Variants in RABGAP1 observed in about 807,000 individuals in gnomAD.
The protein encoded by RABGAP1 is rab GTPase-activating protein 1.
A neutral mutation model predicts 137.6 loss-of-function variants in RABGAP1; 23 were observed. That is an observed-to-expected ratio of 0.17 (90% CI 0.12 to 0.24). RABGAP1 has a LOEUF of 0.24. Ranked by LOEUF, RABGAP1 falls within the 10% of genes least tolerant of loss-of-function variation. RABGAP1 has a pLI of 1.00. For synonymous variants in RABGAP1, 451 were observed against 450.7 expected, an observed-to-expected ratio of 1.00 and a Z score of -0.01; for missense variants, 906 against 1,275.8, an observed-to-expected ratio of 0.71 and a Z score of 4.42.
At chr9:122,948,043 ACACAC>A (rs990039684) in intron 1 of RABGAP1, among the ~76,000 whole-genome samples, 1 of 2,384 alleles carries the variant, frequency 4.2e-4, no homozygotes, top group African/African-American at 4.6e-4. Flanking sequence ...AGCCAGGAAA[ACACAC>A]ACACACACAC....
chr9:122,980,726 T>G (rs1242469391), intron 2 of RABGAP1, among the ~76,000 whole-genome samples: 1 of 152,256 alleles, frequency 6.6e-6, no homozygotes, highest in Non-Finnish European at 1.5e-5. Context: ...CGTTTTATCA[T>G]GATGAACCAT....
chr9:123,086,767 T>C (rs77804652), intron 19 of RABGAP1, among the ~76,000 whole-genome samples: 2,165 of 152,162 alleles, frequency 0.014, 13 homozygotes, highest in Non-Finnish European at 0.021. Context: ...AAGACTGAGC[T>C]GGTGAAGAAG....
chr9:122,943,023 T>A (rs896881556), intron 1 of RABGAP1, among the ~76,000 whole-genome samples: 21 of 141,780 alleles, frequency 1.5e-4, no homozygotes, highest in Admixed American at 1.4e-3. Flanking sequence ...AAATAAAAAA[T>A]AAAAAAACAA....
rs1345223511 is a variant in RABGAP1 at position 122,941,027 on chromosome 9, G to C, written c.-116G>C. 6.5e-6 allele frequency: 1 copy of C among 152,698 alleles called. No individual in the cohort carries two copies. Among genetic ancestry groups the C allele is most frequent in the Non-Finnish European group, 1.5e-5 (1 of 68,524 alleles). The allele number at this position is 152,698 out of a possible 1,614,324, so 9.5% of individuals were successfully genotyped here. ...GGGGGGCGGGGACAGGGCGGTTTGGGAGGCCCAGGCGGCGGAGCCTCCGGG... is the reference window on the plus strand; with the variant it reads ...GGGGGGCGGGGACAGGGCGGTTTGGCAGGCCCAGGCGGCGGAGCCTCCGGG... On this transcript the variant is annotated 5_prime_UTR_variant, in exon 1 of 26. Transcript: ENST00000373647.
chr9:123,051,546 C>T (rs2033472842), intron 13 of RABGAP1, among the ~76,000 whole-genome samples: 2 of 150,580 alleles, frequency 1.3e-5, no homozygotes, highest in African/African-American at 4.9e-5. Flanking sequence ...CACGCCTGGC[C>T]TCACCTTGGT....
chr9:122,994,422 T>C (rs1430064520), intron 6 of RABGAP1, among the ~76,000 whole-genome samples: 22 of 152,240 alleles, frequency 1.4e-4, no homozygotes, highest in Non-Finnish European at 2.9e-5. Context: ...CATTTCCTTA[T>C]AGGTGAAAAC....
Position 123,056,746 on chromosome 9 carries a change from A to G in RABGAP1, c.1795-8602A>G, listed in dbSNP as rs569555421. The stretch of plus-strand genomic sequence containing the variant: ...GCACATCTTGCACCGCCCTTAATCC[A>G]TTTAACCCTGAGTGGACACAGCGCG... On this transcript the variant is annotated intron_variant, in intron 13 of 25. Transcript: ENST00000373647. 2.1e-4 allele frequency among the ~76,000 whole-genome samples: 32 copies of G among 152,220 alleles called. No homozygotes were observed. The East Asian group carries it at 5.6e-3, about 27-fold the overall frequency.
At chr9:122,952,056 A>G (rs1834280444) in intron 1 of RABGAP1, among the ~76,000 whole-genome samples, 1 of 152,194 alleles carries the variant, frequency 6.6e-6, no homozygotes, top group South Asian at 2.1e-4. Context: ...TAAGAATAAA[A>G]GTAGTGAAAG....
chr9:123,018,229 C>T (rs773705132), intron 12 of RABGAP1, among the ~76,000 whole-genome samples: 33 of 151,996 alleles, frequency 2.2e-4, no homozygotes, highest in Admixed American at 5.2e-4. Flanking sequence ...CTCCTGACCT[C>T]GTGACAAGTT....
intron 19 of RABGAP1, among the ~76,000 whole-genome samples, chr9:123,078,558 C>T (rs2034595746): frequency 6.6e-6 from 1 of 152,172 alleles, no homozygotes; most frequent in Admixed American, 6.5e-5. Flanking sequence ...TAGGTTTGCA[C>T]AAAGCATAGA....
chr9:122,942,284 C>T (rs1261658434), intron 1 of RABGAP1, among the ~76,000 whole-genome samples: 1 of 152,116 alleles, frequency 6.6e-6, no homozygotes, highest in Non-Finnish European at 1.5e-5. Context: ...AGGGTTCATC[C>T]AACTTTTTTT....
chr9:122,984,997 AG>A (rs61343453), intron 3 of RABGAP1, among the ~76,000 whole-genome samples: 148,164 of 151,676 alleles, frequency 0.98, 72,466 homozygotes, highest in East Asian at 1. Context: ...TTTTCCCCCC[AG>A]GAATGCTTAA....
chr9:122,995,988 A>G, intron 6 of RABGAP1, 53 bp from the exon 7 acceptor site: 1 of 1,543,110 alleles, frequency 6.5e-7, no homozygotes, highest in Non-Finnish European at 8.7e-7. Context: ...AAATGGTTCT[A>G]GTATGTGACA....
chr9:123,057,501 C>T (rs935356476), intron 13 of RABGAP1, among the ~76,000 whole-genome samples: 15 of 150,704 alleles, frequency 1.0e-4, no homozygotes, highest in Non-Finnish European at 1.9e-4. Flanking sequence ...GGATGGCGGT[C>T]GGGAAGAGGC....
At chr9:122,948,834 C>T (rs2131594251) in intron 1 of RABGAP1, among the ~76,000 whole-genome samples, 1 of 152,262 alleles carries the variant, frequency 6.6e-6, no homozygotes, top group Admixed American at 6.5e-5. Flanking sequence ...GCATGTTTGT[C>T]ATTTGTTTTC....
rs1325775621 is a variant in RABGAP1 at position 122,957,155 on chromosome 9, A to G, written c.96A>G (p.Gly32=). ...SEDFVLVSRQ[G]DETPSTNNGS... is the part of the protein sequence containing the mutation. The stretch of plus-strand genomic sequence containing the variant: ...ATTTTGTCTTGGTTTCCAGGCAAGG[A>G]GATGAGACACCATCTACAAATAATG... The change falls in exon 2 of 26, where the codon GGA becomes GGG. Residue 32 remains glycine (G), a synonymous_variant. Transcript: ENST00000373647. The G allele has an allele frequency of 1.3e-6, 2 of 1,573,658 alleles. No homozygotes were observed. Among genetic ancestry groups the G allele is most frequent in the South Asian group, 1.2e-5 (1 of 85,374 alleles).
chr9:122,984,692 A>T lies in RABGAP1; in HGVS notation c.358A>T (p.Ser120Cys). The change falls in exon 3 of 26, where the codon AGC becomes TGC. Residue 120 changes from serine to cysteine, a missense_variant. Physicochemically the swap from Ser to Cys is moderately radical, Grantham distance 112. Coordinates refer to ENST00000373647, the MANE Select transcript of RABGAP1 (RefSeq NM_012197.4). The part of the protein sequence containing the change: ...PLVGLQKPEM[S>C]LPVKPGQGDS... Reference sequence around the variant, plus strand: ...AGTAGGGCTCCAAAAACCAGAGATGAGCCTACCAGTGAAACCTGGACAAGG... The same window carrying T: ...AGTAGGGCTCCAAAAACCAGAGATGTGCCTACCAGTGAAACCTGGACAAGG... The T allele has an allele frequency of 6.2e-7, 1 of 1,614,142 alleles. No individual in the cohort carries two copies. The highest frequency in any genetic ancestry group is 1.1e-5 in the South Asian group (1 of 91,082).
At chr9:122,939,329 T>C (rs10985827), upstream of RABGAP1, 1 of 150,778 alleles carries the variant, frequency 6.6e-6, no homozygotes, top group South Asian at 2.1e-4. Context: ...AATGCCATGG[T>C]TTTTTTTTGT....
At chr9:123,091,104 A>G (rs535633928) in intron 21 of RABGAP1, among the ~76,000 whole-genome samples, 3 of 152,342 alleles carry the variant, frequency 2.0e-5, no homozygotes, top group Non-Finnish European at 4.4e-5. Flanking sequence ...GAGCATGGCT[A>G]TGTTCCAGTT....
Sources: gnomAD v4.1 joint callset for allele counts (sites outside exome capture counted in the v4.1 genomes callset) on GRCh38, gnomAD v4.1.1 for gene constraint, MANE v1.5 for transcripts, NCBI Gene and HGNC (gene_info 2026-07-23, HGNC 2026-07-21) for gene names.